Variants in DPP6 observed in about 807,000 individuals in gnomAD.
DPP6 encodes dipeptidyl peptidase like 6.
DPP6 carries 69 observed loss-of-function variants against 122.6 expected under a neutral mutation model. The ratio of observed to expected loss-of-function variants is 0.56; its 90% CI spans 0.46 to 0.69. DPP6 has a LOEUF of 0.69. Ranked by LOEUF, DPP6 falls within the 30% of genes least tolerant of loss-of-function variation. The pLI, the probability that DPP6 is intolerant of heterozygous loss-of-function variation, is 0.00. For missense variants in DPP6, 928 were observed against 1,116.9 expected, an observed-to-expected ratio of 0.83 and a Z score of 2.41; for synonymous variants, 418 against 433.1, an observed-to-expected ratio of 0.97 and a Z score of 0.43.
chr7:154,669,301 G>T (rs1270777298), intron 6 of DPP6, 59 bp from the exon 7 acceptor site: 2 of 1,551,168 alleles, frequency 1.3e-6, no homozygotes, highest in Non-Finnish European at 1.7e-6. Context: ...AATTGCAGCA[G>T]CTTAAATTCT....
In DPP6 at chr7:154,760,836, C is replaced by CTT. The variant is rs1177041343; in HGVS notation, c.884-8578_884-8577dup. On this transcript the variant is annotated intron_variant, in intron 8 of 25. Coordinates refer to ENST00000377770, the MANE Select transcript of DPP6 (RefSeq NM_130797.4). The surrounding 1 kb of genome is among the most constrained non-coding windows in gnomAD (Gnocchi z 4.5). ...CTGGCTCAGCCTTCCTCTTTCAAAA[C>CTT]TTTTGTTTTTTTTTTTTTGAGACAG... is the stretch of plus-strand genomic sequence containing the variant. 3.2e-3 allele frequency among the ~76,000 whole-genome samples: 307 copies of CTT among 94,636 alleles called. 1 individual carries two copies. Among genetic ancestry groups the CTT allele is most frequent in the Non-Finnish European group, 4.9e-3 (221 of 45,024 alleles). 62.1% of individuals were successfully genotyped at this position (94,636 alleles called of 152,430 possible).
At chr7:154,097,159 C>T (rs575068886) in intron 1 of DPP6, among the ~76,000 whole-genome samples, 1 of 152,362 alleles carries the variant, frequency 6.6e-6, no homozygotes, top group Admixed American at 6.5e-5. Flanking sequence ...ACTCCCTTTG[C>T]TGTAGCCTGG....
the DPP6 span, among the ~76,000 whole-genome samples, chr7:153,839,237 T>C: frequency 2.4e-4 from 37 of 152,360 alleles, no homozygotes; most frequent in Admixed American, 8.5e-4. Context: ...ACTGGTATCA[T>C]TGACTGGAAA....
chr7:154,461,043 T>G (rs1383156518), intron 2 of DPP6, among the ~76,000 whole-genome samples: 1 of 148,114 alleles, frequency 6.8e-6, no homozygotes, highest in East Asian at 2.1e-4. Flanking sequence ...ATTTTTCTAC[T>G]CCCTAGCTCC....
chr7:154,249,769 G>C (rs140341555), intron 1 of DPP6, among the ~76,000 whole-genome samples: 50 of 152,242 alleles, frequency 3.3e-4, no homozygotes, highest in African/African-American at 1.1e-3. Flanking sequence ...TCTTGCATAT[G>C]ATTTCAGAAG....
At chr7:153,877,557 T>C in the DPP6 span, among the ~76,000 whole-genome samples, 1 of 152,186 alleles carries the variant, frequency 6.6e-6, no homozygotes. Context: ...ATTTTTCGGC[T>C]TCATTATAAT....
chr7:154,761,436 C>T lies in DPP6; in HGVS notation c.884-7981C>T, dbSNP rs544632625. 9.2e-4 allele frequency among the ~76,000 whole-genome samples: 140 copies of T among 152,316 alleles called. 1 individual carries two copies. Among genetic ancestry groups the T allele is most frequent in the Admixed American group, 5.0e-3 (76 of 15,304 alleles). ...AGTGAGTGACCCAAGCAAGAGAGAGCCAGGGGAAAGCCATACCACCCTGTG... is the reference window on the plus strand; with the variant it reads ...AGTGAGTGACCCAAGCAAGAGAGAGTCAGGGGAAAGCCATACCACCCTGTG... On this transcript the variant is annotated intron_variant, in intron 8 of 25. Transcript: ENST00000377770.
chr7:154,060,058 C>CT (rs1801466060), intron 1 of DPP6, among the ~76,000 whole-genome samples: 1 of 149,868 alleles, frequency 6.7e-6, no homozygotes, highest in African/African-American at 2.4e-5. Context: ...GCCAACCCCT[C>CT]TTCCCCCCCT....
At chr7:153,769,015 T>G in the DPP6 span, among the ~76,000 whole-genome samples, 3 of 152,170 alleles carry the variant, frequency 2.0e-5, no homozygotes, top group African/African-American at 7.2e-5. Context: ...TAAATAAGGT[T>G]CTTCTTCATT....
chr7:154,295,272 C>A (rs563046284), intron 1 of DPP6, among the ~76,000 whole-genome samples: 1 of 152,294 alleles, frequency 6.6e-6, no homozygotes, highest in South Asian at 2.1e-4. Flanking sequence ...GGAGGGTAAC[C>A]TGAACACCGA....
intron 1 of DPP6, among the ~76,000 whole-genome samples, chr7:154,044,286 G>A (rs1445910730): frequency 6.6e-6 from 1 of 152,146 alleles, no homozygotes; most frequent in African/African-American, 2.4e-5. Context: ...GAAATTGTTC[G>A]GAAATGGGTA....
At chr7:154,275,481 G>C (rs564963367) in intron 1 of DPP6, among the ~76,000 whole-genome samples, 2 of 152,308 alleles carry the variant, frequency 1.3e-5, no homozygotes, top group South Asian at 4.1e-4. Context: ...CTCCTTTAAG[G>C]ATATCTCTTT....
intron 1 of DPP6, among the ~76,000 whole-genome samples, chr7:154,158,821 C>T (rs927560315): frequency 6.6e-6 from 1 of 152,164 alleles, no homozygotes; most frequent in Non-Finnish European, 1.5e-5. Flanking sequence ...TTTCCCAGGG[C>T]GGAATCCCTC....
intron 4 of DPP6, among the ~76,000 whole-genome samples, chr7:154,552,831 A>G (rs1459329847): frequency 6.6e-6 from 1 of 152,224 alleles, no homozygotes; most frequent in Non-Finnish European, 1.5e-5. Context: ...ATCATTGGCT[A>G]CGGATTGCAA....
intron 1 of DPP6, among the ~76,000 whole-genome samples, chr7:154,355,674 G>A (rs761716620): frequency 1.1e-4 from 17 of 152,264 alleles, no homozygotes; most frequent in Non-Finnish European, 1.5e-4. Context: ...CAGGTGACAG[G>A]TGGATCTAGT....
At chr7:154,518,973 C>T (rs1209953366) in intron 3 of DPP6, among the ~76,000 whole-genome samples, 4 of 152,226 alleles carry the variant, frequency 2.6e-5, no homozygotes, top group Non-Finnish European at 2.9e-5. Context: ...CACGGGTTCT[C>T]ATTTCACCAG....
chr7:153,764,160 A>T, the DPP6 span, among the ~76,000 whole-genome samples: 1 of 152,154 alleles, frequency 6.6e-6, no homozygotes, highest in Non-Finnish European at 1.5e-5. Flanking sequence ...GGCCTAGTCT[A>T]ATATAACATT....
At chr7:154,488,200 C>T (rs893451496) in intron 3 of DPP6, among the ~76,000 whole-genome samples, 5 of 152,018 alleles carry the variant, frequency 3.3e-5, no homozygotes, top group African/African-American at 4.8e-5. Flanking sequence ...CACACGTGGG[C>T]GGGGCGGGAC....
chr7:154,705,817 A>G (rs1451777546), intron 7 of DPP6, among the ~76,000 whole-genome samples: 1 of 152,256 alleles, frequency 6.6e-6, no homozygotes, highest in Non-Finnish European at 1.5e-5. Flanking sequence ...TCATTAATCC[A>G]GTGAATATGA....
Sources: gnomAD v4.1 joint callset for allele counts (sites outside exome capture counted in the v4.1 genomes callset) on GRCh38, gnomAD v4.1.1 for gene constraint, Gnocchi (gnomAD v3.1) non-coding constraint, MANE v1.5 for transcripts, NCBI Gene and HGNC (gene_info 2026-07-23, HGNC 2026-07-21) for gene names.